ENTREP2: variants seen among roughly 807,000 people sequenced by gnomAD.
ENTREP2 encodes the protein protein ENTREP2.
At chr15:29,334,436 G>A in the ENTREP2 span, among the ~76,000 whole-genome samples, 3 of 152,290 alleles carry the variant, frequency 2.0e-5, no homozygotes, top group South Asian at 6.2e-4. Flanking sequence ...GAATTTCCTA[G>A]CTGTTTTCTT....
the ENTREP2 span, among the ~76,000 whole-genome samples, chr15:29,590,656 C>T: frequency 7.6e-6 from 1 of 131,796 alleles, no homozygotes; most frequent in East Asian, 2.4e-4. Context: ...TGTACTCCAG[C>T]CTGGGCGACA....
chr15:29,219,762 G>C, the ENTREP2 span, among the ~76,000 whole-genome samples: 2 of 150,722 alleles, frequency 1.3e-5, no homozygotes, highest in Admixed American at 1.3e-4. Flanking sequence ...AGTAAATCAA[G>C]AATGGAAAAC....
At chr15:29,129,366 G>A in the ENTREP2 span, among the ~76,000 whole-genome samples, 4 of 152,190 alleles carry the variant, frequency 2.6e-5, no homozygotes, top group Admixed American at 2.0e-4. Context: ...GCCCCTGGCC[G>A]AAAGCCTATT....
chr15:29,236,581 C>T, the ENTREP2 span, among the ~76,000 whole-genome samples: 22 of 151,986 alleles, frequency 1.4e-4, no homozygotes, highest in Non-Finnish European at 2.8e-4. Flanking sequence ...CTCAGGAGTT[C>T]AAGGTTGCAT....
chr15:29,131,215 G>A, the ENTREP2 span, among the ~76,000 whole-genome samples: 3 of 150,766 alleles, frequency 2.0e-5, no homozygotes, highest in Non-Finnish European at 4.4e-5. Flanking sequence ...TGGAAAATGT[G>A]AGTTAAAATT....
At chr15:29,123,722 A>G in the ENTREP2 span, 1 of 1,460,772 alleles carries the variant, frequency 6.8e-7, no homozygotes, top group Middle Eastern at 1.9e-4. Flanking sequence ...AAAAGCAAAG[A>G]AAAGCCTGCT....
chr15:29,624,327 A>G, the ENTREP2 span, among the ~76,000 whole-genome samples: 2 of 150,508 alleles, frequency 1.3e-5, no homozygotes, highest in Admixed American at 6.6e-5. Flanking sequence ...GCACACATGC[A>G]CGTGCGCACA....
the ENTREP2 span, among the ~76,000 whole-genome samples, chr15:29,643,024 G>T: frequency 1.3e-5 from 2 of 152,106 alleles, no homozygotes; most frequent in Non-Finnish European, 2.9e-5. Context: ...AAGTAAAAAC[G>T]AATTAAAGAC....
chr15:29,229,186 A>G, the ENTREP2 span, among the ~76,000 whole-genome samples: 1 of 142,924 alleles, frequency 7.0e-6, no homozygotes, highest in Admixed American at 7.3e-5. Flanking sequence ...GAAATTTAAA[A>G]TATGCTTAAA....
the ENTREP2 span, among the ~76,000 whole-genome samples, chr15:29,654,159 G>A: frequency 2.6e-5 from 4 of 152,176 alleles, no homozygotes; most frequent in African/African-American, 9.7e-5. Flanking sequence ...CTGAGAAACT[G>A]ATCAGGTTTT....
chr15:29,535,265 T>A, the ENTREP2 span, among the ~76,000 whole-genome samples: 6 of 151,980 alleles, frequency 3.9e-5, no homozygotes, highest in Non-Finnish European at 5.9e-5. Flanking sequence ...AAAATAATAA[T>A]AAAAATAAAG....
chr15:29,353,737 T>C, the ENTREP2 span, among the ~76,000 whole-genome samples: 1 of 152,100 alleles, frequency 6.6e-6, no homozygotes, highest in African/African-American at 2.4e-5. Context: ...TTTTCCCCCA[T>C]GAAATAAATG....
chr15:29,656,990 C>G, the ENTREP2 span, among the ~76,000 whole-genome samples: 1 of 152,136 alleles, frequency 6.6e-6, no homozygotes, highest in South Asian at 2.1e-4. Flanking sequence ...TGCTGCCGGC[C>G]AGGGTGTTCG....
chr15:29,224,517 G>A, the ENTREP2 span, among the ~76,000 whole-genome samples: 3 of 152,104 alleles, frequency 2.0e-5, no homozygotes, highest in Admixed American at 1.3e-4. Flanking sequence ...TGATTGGTCC[G>A]CTTTGACAGG....
At chr15:29,527,401 T>C in the ENTREP2 span, among the ~76,000 whole-genome samples, 4 of 152,190 alleles carry the variant, frequency 2.6e-5, no homozygotes, top group Non-Finnish European at 5.9e-5. Context: ...CACGATCAGC[T>C]GATGAGTCTT....
the ENTREP2 span, among the ~76,000 whole-genome samples, chr15:29,568,657 T>C: frequency 1.4e-5 from 2 of 145,302 alleles, no homozygotes; most frequent in African/African-American, 5.3e-5. Flanking sequence ...TGAGCTATGA[T>C]AGTGTCACTG....
At chr15:29,141,237 G>A in the ENTREP2 span, among the ~76,000 whole-genome samples, 1 of 152,194 alleles carries the variant, frequency 6.6e-6, no homozygotes, top group African/African-American at 2.4e-5. Flanking sequence ...GCCTGGGACC[G>A]GGAGTCAGAC....
At chr15:29,238,932 C>A in the ENTREP2 span, among the ~76,000 whole-genome samples, 1 of 152,268 alleles carries the variant, frequency 6.6e-6, no homozygotes, top group South Asian at 2.1e-4. Context: ...GCCCCATCTC[C>A]AACACTGGGG....
chr15:29,449,825 A>G, the ENTREP2 span, among the ~76,000 whole-genome samples: 1 of 152,194 alleles, frequency 6.6e-6, no homozygotes, highest in Non-Finnish European at 1.5e-5. Context: ...ACACATTCAC[A>G]TTATGGTGAA....
Sources: gnomAD v4.1 joint callset for allele counts (sites outside exome capture counted in the v4.1 genomes callset) on GRCh38, gnomAD v4.1.1 for gene constraint, MANE v1.5 for transcripts, NCBI Gene and HGNC (gene_info 2026-07-23, HGNC 2026-07-21) for gene names.